Variants in NRAP observed in about 807,000 individuals in gnomAD.
The protein encoded by NRAP is nebulin-related-anchoring protein.
A neutral mutation model predicts 225.9 loss-of-function variants in NRAP; 189 were observed. The observed-to-expected ratio is 0.84, with a 90% confidence interval of 0.74 to 0.94. The LOEUF (loss-of-function observed/expected upper bound fraction) is 0.94, where lower values mean the gene tolerates loss of function less well. NRAP is among the 40% of genes least tolerant of loss of function. The pLI is 0.00. For missense variants in NRAP, 2,176 were observed against 2,168.7 expected (o/e 1.00, Z -0.07); for synonymous variants, 769 against 790.7 (o/e 0.97, Z 0.46).
intron 20 of NRAP, among the ~76,000 whole-genome samples, chr10:113,628,334 C>A (rs1848395753): frequency 6.6e-6 from 1 of 152,112 alleles, no homozygotes; most frequent in Non-Finnish European, 1.5e-5. Context: ...ATTACAGGCA[C>A]GTGCCACCAC....
chr10:113,621,232 G>A (rs558821223), intron 24 of NRAP, among the ~76,000 whole-genome samples: 1 of 151,956 alleles, frequency 6.6e-6, no homozygotes, highest in Non-Finnish European at 1.5e-5. Flanking sequence ...TAGTTTTAAT[G>A]GAAAGTCATT....
At chr10:113,661,015 A>G (rs1294491416) in intron 3 of NRAP, among the ~76,000 whole-genome samples, 1 of 152,192 alleles carries the variant, frequency 6.6e-6, no homozygotes, top group East Asian at 1.9e-4. Flanking sequence ...CAGAGTGTTC[A>G]GTACTCTGTT....
At chr10:113,610,710 C>T in intron 30 of NRAP, 147 bp from the exon 31 acceptor site, 1 of 574,980 alleles carries the variant, frequency 1.7e-6, no homozygotes. Flanking sequence ...ATATATTAAA[C>T]TCAGCCAACG....
chr10:113,643,410 C>T (rs1849321709), intron 11 of NRAP, among the ~76,000 whole-genome samples: 1 of 152,180 alleles, frequency 6.6e-6, no homozygotes, highest in South Asian at 2.1e-4. Flanking sequence ...GATGTCTGGT[C>T]GTATTCTGTT....
intron 22 of NRAP, 59 bp from the exon 23 acceptor site, chr10:113,623,695 G>C (rs1848130655): frequency 2.8e-6 from 3 of 1,072,208 alleles, no homozygotes; most frequent in South Asian, 1.3e-5. Context: ...TCTCACGTGA[G>C]AGCATTTCTC....
intron 24 of NRAP, 41 bp from the exon 25 acceptor site, chr10:113,620,749 T>C (rs1188485646): frequency 1.4e-6 from 2 of 1,418,080 alleles, no homozygotes; most frequent in South Asian, 2.3e-5. Context: ...CAGGCCATTG[T>C]TGGTGCACAG....
chr10:113,602,908 T>C (rs1034374735), intron 35 of NRAP, among the ~76,000 whole-genome samples: 5 of 152,180 alleles, frequency 3.3e-5, no homozygotes, highest in Non-Finnish European at 4.4e-5. Flanking sequence ...GCATTTGTTG[T>C]CACACTGGGT....
At chr10:113,635,059 G>C (rs956135828) in intron 14 of NRAP, among the ~76,000 whole-genome samples, 1 of 152,198 alleles carries the variant, frequency 6.6e-6, no homozygotes, top group Non-Finnish European at 1.5e-5. Context: ...AGTGCAGCTG[G>C]ATGCATTGAC....
At chr10:113,589,296 C>A (rs1422269528) in intron 41 of NRAP, 7 of 584,120 alleles carry the variant, frequency 1.2e-5, no homozygotes, top group Non-Finnish European at 1.8e-5. Flanking sequence ...CTTCTTTCTT[C>A]TGAACAAAGT....
rs373714610 is a variant in NRAP, at chr10:113,624,829, G to A, written c.2346C>T (p.Ser782=). The change falls in exon 22 of 42, where the codon AGC becomes AGT. Residue 782 remains serine, a synonymous_variant. Coordinates refer to ENST00000359988, the MANE Select transcript of NRAP (RefSeq NM_198060.4). ...LQARANAANL[S]EKLYKSSWEN... Reference sequence around the variant, plus strand: ...TGCCCACTCATTCTCTCTGTACCTCGCTGAGATTTGCAGCATTGGCTCGGG... The same window carrying A: ...TGCCCACTCATTCTCTCTGTACCTCACTGAGATTTGCAGCATTGGCTCGGG... The A allele has an allele frequency of 1.7e-5, 28 of 1,612,118 alleles. No individual in the cohort carries two copies. Among genetic ancestry groups the A allele is most frequent in the Admixed American group, 5.0e-5 (3 of 60,018 alleles).
Position 113,640,211 on chromosome 10 carries a change from T to C in NRAP, c.1428+16A>G. ...ACAAGTGACAAAGCAGAAAGAGCTG[T>C]TGGAAAAGAACTTACATCTTTCAAG... On this transcript the variant is annotated intron_variant, in intron 14 of 41. Transcript: ENST00000359988. 1 of 1,466,462 alleles carries C rather than the reference T, an allele frequency of 6.8e-7. No homozygotes were observed. Among genetic ancestry groups the C allele is most frequent in the Non-Finnish European group, 9.4e-7 (1 of 1,058,736 alleles). 90.8% of individuals were successfully genotyped at this position (1,466,462 alleles called of 1,614,324 possible). A position where few individuals can be genotyped will look rare whatever the true frequency, so the allele number is the denominator to read the frequency against.
chr10:113,658,997 A>G (rs1850493486), intron 3 of NRAP, among the ~76,000 whole-genome samples: 1 of 152,128 alleles, frequency 6.6e-6, no homozygotes, highest in African/African-American at 2.4e-5. Context: ...GTTTAAACCC[A>G]AAGGATTCTT....
In NRAP at chr10:113,604,867, C is replaced by A; in HGVS notation, c.3969G>T (p.Gln1323His). 6.2e-7 allele frequency: 1 copy of A among 1,614,162 alleles called. No homozygotes were observed. The highest frequency in any genetic ancestry group is 8.5e-7 in the Non-Finnish European group (1 of 1,180,028). Reference sequence around the variant, plus strand: ...GGATCCGGGGGTCGTCTCTTACACTCTGGGGCCCTATGAGTTTCCCTCGCT... The same window carrying A: ...GGATCCGGGGGTCGTCTCTTACACTATGGGGCCCTATGAGTTTCCCTCGCT... ...VKERGKLIGP[Q>H]SVRDDPRIQH... is the part of the protein sequence containing the mutation. The change falls in exon 35 of 42, where the codon CAG becomes CAT. Residue 1323 changes from glutamine (Q) to histidine (H), a missense_variant. Around this residue, in one of 3 missense-constraint regions of NRAP, gnomAD observed 1,708 missense variants for 1,695.5 expected, o/e 1.01. Coordinates refer to ENST00000359988, the MANE Select transcript of NRAP (RefSeq NM_198060.4).
At chr10:113,633,717 A>C (rs1162832929) in intron 15 of NRAP, among the ~76,000 whole-genome samples, 1 of 152,134 alleles carries the variant, frequency 6.6e-6, no homozygotes, top group Non-Finnish European at 1.5e-5. Flanking sequence ...TGATATGTTA[A>C]AATTATATAA....
chr10:113,650,742 A>G (rs190231001), intron 7 of NRAP, among the ~76,000 whole-genome samples, 197 bp from the exon 8 acceptor site: 214 of 152,338 alleles, frequency 1.4e-3, no homozygotes, highest in Non-Finnish European at 2.1e-3. Flanking sequence ...TGCCTGGCAC[A>G]TGGAGACACC....
intron 14 of NRAP, among the ~76,000 whole-genome samples, chr10:113,639,976 A>T (rs1356779423): frequency 6.6e-6 from 1 of 152,238 alleles, no homozygotes; most frequent in African/African-American, 2.4e-5. Flanking sequence ...TAAGAGGAAA[A>T]ACTGAACCTC....
At chr10:113,640,704 A>T (rs1398339238) in intron 13 of NRAP, among the ~76,000 whole-genome samples, 1 of 152,212 alleles carries the variant, frequency 6.6e-6, no homozygotes, top group African/African-American at 2.4e-5. Flanking sequence ...TTTTCTAAAG[A>T]TCAAATTGAC....
intron 41 of NRAP, 57 bp from the exon 42 acceptor site, chr10:113,589,136 GC>G: frequency 4.8e-6 from 7 of 1,449,042 alleles, no homozygotes; most frequent in Non-Finnish European, 2.9e-6. Context: ...CCCACTCCCG[GC>G]CCCGGTTCCC....
chr10:113,639,091 C>CAAAAAAA (rs60509891), intron 14 of NRAP, among the ~76,000 whole-genome samples: 1 of 115,820 alleles, frequency 8.6e-6, no homozygotes, highest in African/African-American at 3.4e-5. Flanking sequence ...ATGTATATAG[C>CAAAAAAA]AAAAAAAAAA....
Sources: gnomAD v4.1 joint callset for allele counts (sites outside exome capture counted in the v4.1 genomes callset) on GRCh38, gnomAD v4.1.1 for gene constraint, gnomAD v4.1.1 regional missense constraint, MANE v1.5 for transcripts, NCBI Gene and HGNC (gene_info 2026-07-23, HGNC 2026-07-21) for gene names.